Variants in RIN2 observed in about 807,000 individuals in gnomAD.
The protein encoded by RIN2 is RAB5 interacting protein 2.
A neutral mutation model predicts 78.0 loss-of-function variants in RIN2; 36 were observed. The observed-to-expected ratio is 0.46, with a 90% confidence interval of 0.35 to 0.61. The LOEUF (loss-of-function observed/expected upper bound fraction) is 0.61, where lower values mean the gene tolerates loss of function less well. Among genes scored for constraint, RIN2 ranks in the 20% least tolerant of loss-of-function variants. RIN2 has a pLI of 0.00. For missense variants in RIN2, 1,087 were observed against 1,159.7 expected, an observed-to-expected ratio of 0.94 and a Z score of 0.91; for synonymous variants, 466 against 466.8, an observed-to-expected ratio of 1.00 and a Z score of 0.02.
intron 2 of RIN2, among the ~76,000 whole-genome samples, chr20:19,827,671 C>T (rs138886730): frequency 1.6e-4 from 25 of 152,250 alleles, no homozygotes; most frequent in Middle Eastern, 3.4e-3. Context: ...CCCTTATGAC[C>T]GCCAAATTGA....
intron 2 of RIN2, among the ~76,000 whole-genome samples, chr20:19,870,681 A>G (rs2037663997): frequency 6.6e-6 from 1 of 152,232 alleles, no homozygotes; most frequent in Non-Finnish European, 1.5e-5. Context: ...ATGGTTCCTC[A>G]GCCTTTCTTT....
At chr20:19,912,023 C>A (rs2039492859) in intron 3 of RIN2, among the ~76,000 whole-genome samples, 1 of 152,212 alleles carries the variant, frequency 6.6e-6, no homozygotes, top group Admixed American at 6.5e-5. Context: ...GGTTTTACTT[C>A]CTGGCCCTGT....
At position 19,989,297 on chromosome 20, in the gene RIN2, G is replaced by GA. The variant is rs199497437; in HGVS notation, c.1763-709_1763-708insA. Among the ~76,000 whole-genome samples, 909 of 127,914 alleles carry GA rather than the reference G, an allele frequency of 7.1e-3. 13 individuals are homozygous for GA. Among genetic ancestry groups the GA allele is most frequent in the African/African-American group, 0.026 (868 of 33,528 alleles). 83.9% of individuals were successfully genotyped at this position (127,914 alleles called of 152,430 possible). ...CTTTTTTTTTTTTTTTTTTTGAGATGGAGTATCACTCTGTCACCCAGGTTG... is the reference window on the plus strand; with the variant it reads ...CTTTTTTTTTTTTTTTTTTTGAGATGAGAGTATCACTCTGTCACCCAGGTTG... On this transcript the variant is annotated intron_variant, in intron 9 of 12. Coordinates refer to ENST00000255006, the MANE Select transcript of RIN2 (RefSeq NM_018993.4).
At chr20:19,913,841 A>G (rs1196771080) in intron 3 of RIN2, among the ~76,000 whole-genome samples, 1 of 152,230 alleles carries the variant, frequency 6.6e-6, no homozygotes, top group African/African-American at 2.4e-5. Flanking sequence ...ATCAGCGGAC[A>G]CTGGGTGCTT....
At chr20:19,858,498 A>G (rs965790275) in intron 2 of RIN2, among the ~76,000 whole-genome samples, 1 of 152,206 alleles carries the variant, frequency 6.6e-6, no homozygotes, top group African/African-American at 2.4e-5. Flanking sequence ...AAGCTTGTCA[A>G]ATTTTATGAA....
chr20:19,892,883 C>T (rs1042072433), intron 3 of RIN2, among the ~76,000 whole-genome samples: 3 of 152,156 alleles, frequency 2.0e-5, no homozygotes, highest in Non-Finnish European at 4.4e-5. Context: ...CCTTCTGGGA[C>T]CCACTGGCCC....
intron 1 of RIN2, among the ~76,000 whole-genome samples, chr20:19,764,931 T>TTG (rs1442449753): frequency 1.5e-5 from 2 of 132,550 alleles, no homozygotes; most frequent in African/African-American, 2.8e-5. Flanking sequence ...TTTTTTTTTT[T>TTG]TTTTTTTTTT....
At chr20:19,823,935 C>T (rs1015456781) in intron 2 of RIN2, 11 of 1,547,820 alleles carry the variant, frequency 7.1e-6, no homozygotes, top group African/African-American at 5.4e-5. Context: ...GGTCGAACTT[C>T]GGCAGCATGG....
At chr20:19,925,619 G>A (rs144553049) in intron 3 of RIN2, among the ~76,000 whole-genome samples, 2 of 152,280 alleles carry the variant, frequency 1.3e-5, no homozygotes, top group African/African-American at 2.4e-5. Context: ...GAATGAAAAG[G>A]CAATTCCTTG....
At position 19,923,469 on chromosome 20, in the gene RIN2, T is replaced by TAAAATA. The variant is rs144067000; in HGVS notation, c.58-11627_58-11626insATAAAA. On this transcript the variant is annotated intron_variant, in intron 3 of 12. Transcript: ENST00000255006. ...TAAAATAAAATAAAATAAAATAAAA[T>TAAAATA]AAATAAAATAAAATAAAATAAATAT... Among the ~76,000 whole-genome samples, 218 of 97,098 alleles carry TAAAATA rather than the reference T, an allele frequency of 2.2e-3. 2 individuals carry two copies. Among genetic ancestry groups the TAAAATA allele is most frequent in the African/African-American group, 6.2e-3 (145 of 23,394 alleles). The allele number at this position is 97,098 out of a possible 152,430, so 63.7% of individuals were successfully genotyped here. A position where few individuals can be genotyped will look rare whatever the true frequency, so the allele number is the denominator to read the frequency against.
chr20:19,891,905 AATGTACTACCT>A (rs2123516568), intron 3 of RIN2, among the ~76,000 whole-genome samples: 1 of 152,378 alleles, frequency 6.6e-6, no homozygotes, highest in Non-Finnish European at 1.5e-5. Context: ...TGAGGGGCCC[AATGTACTACCT>A]ATCATCAAGT....
chr20:19,839,195 G>T (rs142752943), intron 2 of RIN2, among the ~76,000 whole-genome samples: 3 of 152,212 alleles, frequency 2.0e-5, no homozygotes, highest in Non-Finnish European at 4.4e-5. Flanking sequence ...GAACAAAACC[G>T]GTGAGAAAAG....
At chr20:19,858,993 G>A (rs1375832212) in intron 2 of RIN2, among the ~76,000 whole-genome samples, 1 of 152,240 alleles carries the variant, frequency 6.6e-6, no homozygotes, top group Non-Finnish European at 1.5e-5. Context: ...TTAGGTAGCA[G>A]CAACTGAGTT....
In RIN2 at chr20:20,000,922, C is replaced by T. The variant is rs1358034227; in HGVS notation, c.2674C>T (p.Leu892Phe). Reference sequence around the variant, plus strand: ...CATTTTCCAGAACGGGGAAGAAGACCTCACCACCTCCTAGAAGACAGGCGG... The same window carrying T: ...CATTTTCCAGAACGGGGAAGAAGACTTCACCACCTCCTAGAAGACAGGCGG... Reference protein sequence around the residue: ...GIIFQNGEEDLTTS With the variant: ...GIIFQNGEEDFTTS The change falls in exon 13 of 13, where the codon CTC becomes TTC. Residue 892 changes from leucine (L) to phenylalanine (F), a missense_variant. By Grantham distance (22) the Leu-to-Phe change is conservative. Coordinates refer to ENST00000255006, the MANE Select transcript of RIN2 (RefSeq NM_018993.4). The T allele has an allele frequency of 3.1e-6, 5 of 1,610,376 alleles. No homozygotes were observed. The Admixed American group carries it at 5.0e-5, about 16-fold the overall frequency.
intron 1 of RIN2, among the ~76,000 whole-genome samples, chr20:19,764,489 C>T (rs2033782211): frequency 6.6e-6 from 1 of 152,196 alleles, no homozygotes; most frequent in Non-Finnish European, 1.5e-5. Context: ...AGATAAGGGA[C>T]GTGGAACCTA....
intron 5 of RIN2, among the ~76,000 whole-genome samples, chr20:19,960,006 GTA>G (rs2041684932): frequency 6.6e-6 from 1 of 152,212 alleles, no homozygotes; most frequent in Admixed American, 6.5e-5. Context: ...GAGGGAACTG[GTA>G]GAATGTGAAG....
chr20:19,907,058 C>A (rs1008270227), intron 3 of RIN2, among the ~76,000 whole-genome samples: 1 of 152,150 alleles, frequency 6.6e-6, no homozygotes, highest in African/African-American at 2.4e-5. Context: ...CTTGCTGCGT[C>A]ATTCCATGGT....
chr20:19,779,909 T>C (rs16981111), intron 1 of RIN2, among the ~76,000 whole-genome samples: 17,021 of 152,208 alleles, frequency 0.11, 1,106 homozygotes, highest in South Asian at 0.19. Flanking sequence ...TCAGCCTATT[T>C]CTGGAGGTCA....
At chr20:19,958,912 G>C (rs1035701246) in intron 5 of RIN2, among the ~76,000 whole-genome samples, 3 of 152,072 alleles carry the variant, frequency 2.0e-5, no homozygotes, top group Non-Finnish European at 4.4e-5. Flanking sequence ...GAGAAAAGCA[G>C]GTGGCTAAAA....
Sources: allele counts gnomAD v4.1 joint callset (sites outside exome capture counted in the v4.1 genomes callset), GRCh38; gene constraint gnomAD v4.1.1; transcripts MANE v1.5; gene names NCBI Gene and HGNC (gene_info 2026-07-23, HGNC 2026-07-21).